The following HDAC9 variants were observed in gnomAD, a reference collection of about 807,000 sequenced individuals.
HDAC9 encodes the protein histone deacetylase 9.
A neutral mutation model predicts 139.4 loss-of-function variants in HDAC9; 41 were observed. That is an observed-to-expected ratio of 0.29 (90% CI 0.23 to 0.38). The LOEUF (loss-of-function observed/expected upper bound fraction) is 0.38. Among genes scored for constraint, HDAC9 ranks in the 10% least tolerant of loss-of-function variants. The probability of loss-of-function intolerance (pLI) is 1.00; values close to 1 mark genes in which losing one functional copy is unlikely to be tolerated. For missense variants in HDAC9, 1,147 were observed against 1,297.0 expected (o/e 0.88, Z 1.78); for synonymous variants, 517 against 476.2 (o/e 1.09, Z -1.12).
intron 22 of HDAC9, among the ~76,000 whole-genome samples, chr7:18,916,519 T>C (rs867735962): frequency 7.9e-5 from 12 of 151,762 alleles, no homozygotes; most frequent in African/African-American, 2.7e-4. Context: ...AGAGAAACTA[T>C]TGAAACTTCA....
intron 2 of HDAC9, among the ~76,000 whole-genome samples, chr7:18,568,040 A>ATATATATATG (rs1266986510): frequency 6.8e-6 from 1 of 146,680 alleles, no homozygotes; most frequent in African/African-American, 2.5e-5. Flanking sequence ...ATATATATAT[A>ATATATATATG]TATATATATA....
intron 16 of HDAC9, among the ~76,000 whole-genome samples, chr7:18,789,286 G>GCGTGCACACACACACACA (rs146066951): frequency 6.7e-6 from 1 of 148,396 alleles, no homozygotes; most frequent in African/African-American, 2.5e-5. Flanking sequence ...ACACATACAC[G>GCGTGCACACACACACACA]CACACACACA....
intron 2 of HDAC9, among the ~76,000 whole-genome samples, chr7:18,190,899 G>A (rs1318025424): frequency 2.0e-5 from 3 of 152,012 alleles, no homozygotes; most frequent in South Asian, 2.1e-4. Flanking sequence ...TAAAACATGC[G>A]GAATATTATT....
At chr7:18,906,695 T>C (rs536624551) in intron 22 of HDAC9, among the ~76,000 whole-genome samples, 62 of 152,282 alleles carry the variant, frequency 4.1e-4, no homozygotes, top group African/African-American at 1.3e-3. Context: ...CTGAAGACCT[T>C]GTTTGACGGC....
Position 18,767,112 on chromosome 7 carries a change from A to G in HDAC9, c.2171A>G (p.Asp724Gly), listed in dbSNP as rs1270028578. Residue 724 changes from aspartate to glycine, a missense_variant, in exon 16 of 26, where the codon GAC (aspartate) becomes GGC (glycine). Around this residue, in one of 7 missense-constraint regions of HDAC9, gnomAD observed 407 missense variants for 521.5 expected, o/e 0.78. Transcript: ENST00000686413. ...ATGTCTTCTTACTGTATAGGTGATG[A>G]CTCTCAAAAGTTTTTTTCCTCATTA... is the stretch of plus-strand genomic sequence containing the variant. Reference protein sequence around the residue: ...KLDPRILLGDDSQKFFSSLPC... With the variant: ...KLDPRILLGDGSQKFFSSLPC... 9 of 1,553,798 alleles carry G rather than the reference A, an allele frequency of 5.8e-6. No individual in the cohort carries two copies. The highest frequency in any genetic ancestry group is 1.2e-5 in the South Asian group (1 of 84,448).
chr7:18,671,654 A>G (rs539281907), intron 12 of HDAC9, among the ~76,000 whole-genome samples: 7 of 152,116 alleles, frequency 4.6e-5, no homozygotes, highest in African/African-American at 1.7e-4. Flanking sequence ...CATCACTAGT[A>G]TCTAATTCCA....
At chr7:18,313,977 A>G (rs1422138651) in intron 1 of HDAC9, among the ~76,000 whole-genome samples, 1 of 152,220 alleles carries the variant, frequency 6.6e-6, no homozygotes, top group Non-Finnish European at 1.5e-5. Flanking sequence ...TTGGTTATAC[A>G]TAAAATTAAA....
At chr7:18,462,122 AT>A (rs1190079468) in intron 1 of HDAC9, among the ~76,000 whole-genome samples, 4 of 151,490 alleles carry the variant, frequency 2.6e-5, no homozygotes, top group African/African-American at 9.8e-5. Context: ...TTAAAAAAAA[AT>A]CATCTGGAAA....
intron 1 of HDAC9, among the ~76,000 whole-genome samples, chr7:18,340,720 A>T (rs1312795124): frequency 6.6e-6 from 1 of 151,450 alleles, no homozygotes; most frequent in Non-Finnish European, 1.5e-5. Context: ...TCCCATGCTG[A>T]ATTTTTATGA....
chr7:18,937,129 ACC>A (rs1445493641), intron 23 of HDAC9, among the ~76,000 whole-genome samples: 1 of 130,232 alleles, frequency 7.7e-6, no homozygotes, highest in Admixed American at 9.3e-5. Context: ...AACCTCCGCC[ACC>A]CGGGTTGAAG....
chr7:18,542,623 A>C (rs961970607), intron 2 of HDAC9, among the ~76,000 whole-genome samples: 4 of 152,182 alleles, frequency 2.6e-5, no homozygotes, highest in African/African-American at 9.6e-5. Flanking sequence ...AATCAAGAAA[A>C]CACAAAATAA....
intron 2 of HDAC9, 113 bp from the exon 3 acceptor site, chr7:18,585,167 TA>T: frequency 8.6e-7 from 1 of 1,164,576 alleles, no homozygotes; most frequent in Non-Finnish European, 1.2e-6. Context: ...GTCATTGGCA[TA>T]AAATTTGTTG....
intron 2 of HDAC9, among the ~76,000 whole-genome samples, chr7:18,513,077 T>G (rs1431679640): frequency 6.6e-6 from 1 of 152,242 alleles, no homozygotes; most frequent in Non-Finnish European, 1.5e-5. Flanking sequence ...ATTCAGTTTT[T>G]AAACTCATAG....
At chr7:18,139,303 T>G (rs1785711985) in intron 1 of HDAC9, among the ~76,000 whole-genome samples, 1 of 151,928 alleles carries the variant, frequency 6.6e-6, no homozygotes, top group Non-Finnish European at 1.5e-5. Context: ...TTTTTGTTAT[T>G]TTTTGTAGAG....
intron 2 of HDAC9, among the ~76,000 whole-genome samples, chr7:18,261,668 G>A (rs1346947088): frequency 6.6e-6 from 1 of 152,208 alleles, no homozygotes; most frequent in Admixed American, 6.5e-5. Flanking sequence ...CATGGATTAG[G>A]ATAGTTAGGG....
chr7:18,432,311 C>T (rs1015741892), intron 1 of HDAC9, among the ~76,000 whole-genome samples: 4 of 152,220 alleles, frequency 2.6e-5, no homozygotes, highest in Non-Finnish European at 4.4e-5. Flanking sequence ...CCCATTCCAT[C>T]CATTACCTGT....
intron 1 of HDAC9, among the ~76,000 whole-genome samples, chr7:18,461,269 A>T (rs1793824210): frequency 6.6e-6 from 1 of 152,210 alleles, no homozygotes; most frequent in Admixed American, 6.5e-5. Context: ...CTATTACAAA[A>T]TTCATAAAAT....
Position 18,621,255 on chromosome 7 carries a change from T to A in HDAC9, c.665-8095T>A, listed in dbSNP as rs906507803. ...AAATAAGATATAATCATAAATATAA[T>A]GATTCTCATTTTCAAATAATTTTAC... On this transcript the variant is annotated intron_variant, in intron 6 of 25. Coordinates refer to ENST00000686413, the MANE Select transcript of HDAC9 (RefSeq NM_178425.4). 4.0e-5 allele frequency among the ~76,000 whole-genome samples: 6 copies of A among 151,644 alleles called. No individual in the cohort carries two copies. The East Asian group carries it at 9.7e-4, about 24-fold the overall frequency.
intron 17 of HDAC9, among the ~76,000 whole-genome samples, chr7:18,807,107 A>T (rs984810680): frequency 5.9e-5 from 9 of 152,222 alleles, no homozygotes; most frequent in Non-Finnish European, 1.3e-4. Context: ...TGGGATTTTT[A>T]AATTTTTGAT....
Sources: allele counts gnomAD v4.1 joint callset (sites outside exome capture counted in the v4.1 genomes callset), GRCh38; gene constraint gnomAD v4.1.1; regional missense constraint gnomAD v4.1.1; transcripts MANE v1.5; gene names NCBI Gene and HGNC (gene_info 2026-07-23, HGNC 2026-07-21).